The following GRM7 variants were observed in gnomAD, a reference collection of about 807,000 sequenced individuals.
GRM7 encodes the protein glutamate metabotropic receptor 7, also known as metabotropic glutamate receptor 7.
Under a neutral mutation model 84.5 loss-of-function variants are expected in GRM7, and 35 were observed. That is an observed-to-expected ratio of 0.41 (90% confidence interval 0.32 to 0.55). The LOEUF (loss-of-function observed/expected upper bound fraction) is 0.55, where lower values mean the gene tolerates loss of function less well. Ranked by LOEUF, GRM7 falls within the 20% of genes least tolerant of loss-of-function variation. The pLI, the probability that GRM7 is intolerant of heterozygous loss-of-function variation, is 0.19. For synonymous variants in GRM7, 487 were observed against 455.1 expected, an observed-to-expected ratio of 1.07 and a Z score of -0.89; for missense variants, 1,003 against 1,194.6, an observed-to-expected ratio of 0.84 and a Z score of 2.36.
intron 2 of GRM7, among the ~76,000 whole-genome samples, chr3:7,215,552 C>T (rs896151525): frequency 2.0e-5 from 3 of 151,908 alleles, no homozygotes; most frequent in Non-Finnish European, 4.4e-5. Context: ...GTAGTCCCAG[C>T]TACTCGGGAG....
intron 7 of GRM7, among the ~76,000 whole-genome samples, chr3:7,543,253 C>T (rs189312228): frequency 2.0e-5 from 3 of 152,262 alleles, no homozygotes; most frequent in African/African-American, 4.8e-5. Context: ...TTCTAAGTCT[C>T]GATTACATTG....
In GRM7 at chr3:7,681,085, G is replaced by A. The variant is rs985857820; in HGVS notation, c.2698+790G>A. Reference sequence around the variant, plus strand: ...GGTTAAATGCTTAGAATTCCCAATTGCTAACTTTACTAACAATATGGTGGT... The same window carrying A: ...GGTTAAATGCTTAGAATTCCCAATTACTAACTTTACTAACAATATGGTGGT... On this transcript the variant is annotated intron_variant, in intron 9 of 9. Coordinates refer to ENST00000357716, the MANE Select transcript of GRM7 (RefSeq NM_000844.4). 4.6e-5 allele frequency: 7 copies of A among 152,160 alleles called. 1 individual carries two copies. The highest frequency in any genetic ancestry group is 4.1e-4 in the South Asian group (2 of 4,828). The allele number at this position is 152,160 out of a possible 1,614,324, so 9.4% of individuals were successfully genotyped here. A position where few individuals can be genotyped will look rare whatever the true frequency, so the allele number is the denominator to read the frequency against.
intron 1 of GRM7, among the ~76,000 whole-genome samples, chr3:7,096,721 T>G (rs75415997): frequency 0.013 from 2,002 of 152,260 alleles, 42 homozygotes; most frequent in African/African-American, 0.045. Flanking sequence ...TCACGGTTGT[T>G]CTTTCTGTTG....
chr3:7,298,423 A>G (rs1447756313), intron 2 of GRM7, among the ~76,000 whole-genome samples: 1 of 152,140 alleles, frequency 6.6e-6, no homozygotes, highest in Non-Finnish European at 1.5e-5. Flanking sequence ...CTCTGAAGTA[A>G]TATCATTGGT....
chr3:6,941,435 T>C (rs1252358552), intron 1 of GRM7, among the ~76,000 whole-genome samples: 1 of 152,188 alleles, frequency 6.6e-6, no homozygotes, highest in East Asian at 1.9e-4. Flanking sequence ...GGTAACAAAC[T>C]TTGGATGAAA....
At chr3:7,100,086 C>T (rs1055630724) in intron 1 of GRM7, among the ~76,000 whole-genome samples, 1 of 150,816 alleles carries the variant, frequency 6.6e-6, no homozygotes, top group African/African-American at 2.4e-5. Context: ...CACAGAAGAT[C>T]GTAGGCACTG....
At chr3:6,987,144 T>C (rs1694443884) in intron 1 of GRM7, among the ~76,000 whole-genome samples, 1 of 152,212 alleles carries the variant, frequency 6.6e-6, no homozygotes, top group African/African-American at 2.4e-5. Context: ...CTTTTCTCTT[T>C]TTTCTTCTAG....
chr3:7,164,220 G>A (rs1694725720), intron 2 of GRM7, among the ~76,000 whole-genome samples: 2 of 152,148 alleles, frequency 1.3e-5, no homozygotes, highest in African/African-American at 4.8e-5. Flanking sequence ...TTAGCCAGGT[G>A]TGATGGCATG....
At chr3:7,438,247 G>A (rs1697140201) in intron 5 of GRM7, among the ~76,000 whole-genome samples, 1 of 152,048 alleles carries the variant, frequency 6.6e-6, no homozygotes, top group Admixed American at 6.6e-5. Context: ...CAGTCCAGGT[G>A]AGATAGGATA....
At chr3:7,413,954 A>G (rs1014420326) in intron 4 of GRM7, among the ~76,000 whole-genome samples, 2 of 152,178 alleles carry the variant, frequency 1.3e-5, no homozygotes, top group African/African-American at 2.4e-5. Context: ...ACTGCCCTAT[A>G]GGATGGGTGT....
intron 1 of GRM7, among the ~76,000 whole-genome samples, chr3:7,145,986 G>C (rs1454516307): frequency 1.3e-5 from 2 of 152,120 alleles, no homozygotes; most frequent in Non-Finnish European, 2.9e-5. Context: ...TATTTCCTTG[G>C]AGACTATCCA....
intron 7 of GRM7, among the ~76,000 whole-genome samples, chr3:7,551,378 T>C (rs927124834): frequency 2.0e-5 from 3 of 152,142 alleles, no homozygotes; most frequent in Admixed American, 6.5e-5. Flanking sequence ...CCTGTGGGAA[T>C]TGAGACTTTG....
intron 2 of GRM7, among the ~76,000 whole-genome samples, chr3:7,283,105 A>T (rs538132891): frequency 6.6e-6 from 1 of 152,120 alleles, no homozygotes; most frequent in South Asian, 2.1e-4. Flanking sequence ...CCTCGATTTT[A>T]ATCTCTCTAA....
intron 9 of GRM7, among the ~76,000 whole-genome samples, chr3:7,738,124 C>T (rs746070390): frequency 1.3e-5 from 2 of 152,142 alleles, no homozygotes; most frequent in African/African-American, 2.4e-5. Flanking sequence ...GCTGGGATGA[C>T]AGGCATGAGC....
At chr3:7,578,150 T>C (rs1483097851) in intron 7 of GRM7, among the ~76,000 whole-genome samples, 1 of 152,136 alleles carries the variant, frequency 6.6e-6, no homozygotes, top group Non-Finnish European at 1.5e-5. Flanking sequence ...TATTCATATT[T>C]AGAATGTCAG....
At chr3:7,664,434 C>T (rs1162932391) in intron 8 of GRM7, among the ~76,000 whole-genome samples, 1 of 152,220 alleles carries the variant, frequency 6.6e-6, no homozygotes, top group Non-Finnish European at 1.5e-5. Flanking sequence ...ACTTTTCTCA[C>T]TGGAGATCTG....
chr3:7,383,115 T>G (rs556873052), intron 4 of GRM7, among the ~76,000 whole-genome samples: 1 of 152,342 alleles, frequency 6.6e-6, no homozygotes, highest in Admixed American at 6.5e-5. Context: ...GTGAAGCTGT[T>G]GGGTGTCAAG....
At chr3:7,460,689 G>A (rs1559338567) in intron 6 of GRM7, among the ~76,000 whole-genome samples, 1 of 152,124 alleles carries the variant, frequency 6.6e-6, no homozygotes, top group Non-Finnish European at 1.5e-5. Context: ...GTTACTGAAT[G>A]TTTTGTGATT....
At chr3:7,319,670 G>T (rs1700703624) in intron 4 of GRM7, among the ~76,000 whole-genome samples, 1 of 151,996 alleles carries the variant, frequency 6.6e-6, no homozygotes, top group South Asian at 2.1e-4. Flanking sequence ...CAGCCTGCCT[G>T]ATACCATTAG....
Sources: gnomAD v4.1 joint callset for allele counts (sites outside exome capture counted in the v4.1 genomes callset) on GRCh38, gnomAD v4.1.1 for gene constraint, MANE v1.5 for transcripts, NCBI Gene and HGNC (gene_info 2026-07-23, HGNC 2026-07-21) for gene names.